The following NEDD9 variants were observed in gnomAD, a reference collection of about 807,000 sequenced individuals.
NEDD9 encodes the protein enhancer of filamentation 1.
NEDD9 carries 26 observed loss-of-function variants against 76.6 expected under a neutral mutation model. That is an observed-to-expected ratio of 0.34 (90% CI 0.25 to 0.47). The LOEUF (loss-of-function observed/expected upper bound fraction) is 0.47. NEDD9 is among the 20% of genes least tolerant of loss of function. The pLI, the probability that NEDD9 is intolerant of heterozygous loss-of-function variation, is 1.00. For synonymous variants in NEDD9, 392 were observed against 414.2 expected (o/e 0.95, Z 0.65); for missense variants, 937 against 1,058.5 (o/e 0.89, Z 1.59).
At chr6:11,381,197 G>T (rs1763057192) in intron 1 of NEDD9, among the ~76,000 whole-genome samples, 1 of 152,218 alleles carries the variant, frequency 6.6e-6, no homozygotes, top group African/African-American at 2.4e-5. Context: ...CAGATTCCCA[G>T]TATTCTGTCA....
At position 11,185,378 on chromosome 6, in the gene NEDD9, C is replaced by A. The variant is rs1397181125; in HGVS notation, c.2289G>T (p.Leu763=). ...AHKLVFIGDT[L]TRQVTAQDIR... is the part of the protein sequence containing the mutation. ...TGTCCTGGGCAGTCACCTGCCGTGT[C>A]AGCGTGTCTCCAATGAACACCAGTT... The change falls in exon 7 of 7, where the codon CTG becomes CTT. Residue 763 remains leucine, a synonymous_variant. Transcript: ENST00000379446. 11 of 1,614,242 alleles carry A rather than the reference C, an allele frequency of 6.8e-6. No individual in the cohort carries two copies. Among genetic ancestry groups the A allele is most frequent in the Non-Finnish European group, 9.3e-6 (11 of 1,180,042 alleles).
chr6:11,268,306 C>A (rs1207555803), intron 3 of NEDD9, among the ~76,000 whole-genome samples: 1 of 151,930 alleles, frequency 6.6e-6, no homozygotes, highest in East Asian at 1.9e-4. Context: ...GCTGGGATTA[C>A]AGGCGGGAGC....
intron 2 of NEDD9, among the ~76,000 whole-genome samples, chr6:11,201,667 G>A (rs1217540494): frequency 6.6e-6 from 1 of 151,692 alleles, no homozygotes; most frequent in East Asian, 1.9e-4. Flanking sequence ...ATCTATCTAT[G>A]TCTATCTTTG....
At position 11,190,062 on chromosome 6, in the gene NEDD9, G is replaced by A. The variant is rs1423027480; in HGVS notation, c.1807C>T (p.Leu603=). The change falls in exon 5 of 7, where the codon CTG becomes TTG. Residue 603 remains leucine (L), a synonymous_variant. Coordinates refer to ENST00000379446, the MANE Select transcript of NEDD9 (RefSeq NM_006403.4). This position sits in a 1 kb window ranked among gnomAD's most constrained non-coding sequence, Gnocchi z 5.8. The part of the protein sequence containing the change: ...DHKAQAHNKA[L]PPGLSKEQAP... ...TGCTCCTTGCTCAGGCCTGGGGGCA[G>A]TGCCTTGTTGTGGGCCTGGGCCTTG... 1 of 1,595,690 alleles carries A rather than the reference G, an allele frequency of 6.3e-7. No homozygotes were observed. The highest frequency in any genetic ancestry group is 8.5e-7 in the Non-Finnish European group (1 of 1,169,886).
At chr6:11,259,730 T>C (rs1760071107) in intron 3 of NEDD9, among the ~76,000 whole-genome samples, 1 of 152,182 alleles carries the variant, frequency 6.6e-6, no homozygotes, top group Non-Finnish European at 1.5e-5. Context: ...TTAGGAACAA[T>C]AGATATAATT....
At chr6:11,280,084 T>G (rs867752264) in intron 3 of NEDD9, among the ~76,000 whole-genome samples, 2 of 152,190 alleles carry the variant, frequency 1.3e-5, no homozygotes, top group Admixed American at 1.3e-4. Flanking sequence ...TAGGATGTTT[T>G]GCATCATCCC....
Position 11,198,396 on chromosome 6 carries a change from C to A in NEDD9, c.460-4704G>T, listed in dbSNP as rs1402434581. On this transcript the variant is annotated intron_variant, in intron 2 of 6. Transcript: ENST00000379446. This position sits in a 1 kb window ranked among gnomAD's most constrained non-coding sequence, Gnocchi z 4.7. ...TCCATTTCCACAGATGCCCTGCACG[C>A]CCATACCTCTGTGCCTTCATCCATG... 1.3e-5 allele frequency: 2 copies of A among 152,264 alleles called. No individual in the cohort carries two copies. Among genetic ancestry groups the A allele is most frequent in the African/African-American group, 4.8e-5 (2 of 41,440 alleles). 9.4% of individuals were successfully genotyped at this position (152,264 alleles called of 1,614,324 possible). A position where few individuals can be genotyped will look rare whatever the true frequency, so the allele number is the denominator to read the frequency against.
chr6:11,226,830 G>T (rs1759322440), intron 1 of NEDD9, among the ~76,000 whole-genome samples: 1 of 152,112 alleles, frequency 6.6e-6, no homozygotes, highest in Non-Finnish European at 1.5e-5. Flanking sequence ...CTGCTAGAAA[G>T]GACAATTGTC....
chr6:11,331,682 T>C (rs1762041017), intron 2 of NEDD9, among the ~76,000 whole-genome samples: 1 of 152,194 alleles, frequency 6.6e-6, no homozygotes, highest in Non-Finnish European at 1.5e-5. Context: ...TTCTCCAAAA[T>C]GCAACACTTA....
At chr6:11,230,558 T>C (rs1759438315) in intron 1 of NEDD9, among the ~76,000 whole-genome samples, 1 of 152,228 alleles carries the variant, frequency 6.6e-6, no homozygotes, top group South Asian at 2.1e-4. Flanking sequence ...AATCCTTTCC[T>C]GAAGTAAAGT....
At chr6:11,269,836 A>C (rs760163122) in intron 3 of NEDD9, among the ~76,000 whole-genome samples, 1 of 152,156 alleles carries the variant, frequency 6.6e-6, no homozygotes, top group Non-Finnish European at 1.5e-5. Context: ...ACAAACAAAC[A>C]AACACTCTTG....
At chr6:11,319,010 T>C (rs1441876364) in intron 2 of NEDD9, among the ~76,000 whole-genome samples, 1 of 152,276 alleles carries the variant, frequency 6.6e-6, no homozygotes, top group Admixed American at 6.5e-5. Flanking sequence ...AAGAGATTTA[T>C]TGGGCCTTAG....
In NEDD9 at chr6:11,285,764, A is replaced by G. The variant is rs9368638; in HGVS notation, c.12+20228T>C. ...TGCAAAGAAACTTTAGTGGAGAAAC[A>G]TAGTTCTTTCAACAAATGGTGCTAG... is the stretch of plus-strand genomic sequence containing the variant. On this transcript the variant is annotated intron_variant, in intron 3 of 3. Coordinates refer to the NEDD9 transcript ENST00000397378. 9.7e-3 allele frequency among the ~76,000 whole-genome samples: 1,479 copies of G among 152,328 alleles called. 72 individuals are homozygous for G. In the East Asian group the frequency reaches 0.17, roughly 18 times the overall value.
At chr6:11,315,975 A>G (rs1410073755) in intron 2 of NEDD9, among the ~76,000 whole-genome samples, 1 of 152,184 alleles carries the variant, frequency 6.6e-6, no homozygotes, top group South Asian at 2.1e-4. Flanking sequence ...AAGTCCTTTA[A>G]ACCCTTTTGA....
At chr6:11,205,012 T>C (rs1169576939) in intron 2 of NEDD9, among the ~76,000 whole-genome samples, 1 of 152,230 alleles carries the variant, frequency 6.6e-6, no homozygotes, top group Non-Finnish European at 1.5e-5. Flanking sequence ...CAACAGGGTA[T>C]GATTTAGCGC....
rs145118110 is a variant in NEDD9, at chr6:11,278,758, A to G, written c.12+27234T>C. Among the ~76,000 whole-genome samples the G allele has an allele frequency of 2.5e-3, 381 of 152,330 alleles. 9 individuals are homozygous for G. In the South Asian group the frequency reaches 0.039, roughly 16 times the overall value. On this transcript the variant is annotated intron_variant, in intron 3 of 3. Coordinates refer to the NEDD9 transcript ENST00000397378. The stretch of plus-strand genomic sequence containing the variant: ...TCTTGCCTAGGCCAGTGAAAACACA[A>G]TTCTGGAGATGGGACCCAGGAGATT...
At chr6:11,208,272 A>C (rs922134981) in intron 2 of NEDD9, among the ~76,000 whole-genome samples, 9 of 152,122 alleles carry the variant, frequency 5.9e-5, no homozygotes, top group Admixed American at 1.3e-4. Flanking sequence ...CAGAAGTTAA[A>C]CTCTCAGATA....
At chr6:11,315,080 G>C (rs1761508723) in intron 2 of NEDD9, among the ~76,000 whole-genome samples, 1 of 152,156 alleles carries the variant, frequency 6.6e-6, no homozygotes, top group South Asian at 2.1e-4. Flanking sequence ...TCTGGGCCCA[G>C]GATCAATGCA....
At chr6:11,292,783 C>G (rs900475261) in intron 3 of NEDD9, among the ~76,000 whole-genome samples, 1 of 152,160 alleles carries the variant, frequency 6.6e-6, no homozygotes, top group East Asian at 1.9e-4. Flanking sequence ...CCACAGAACT[C>G]ATGACAAGGA....
Sources: gnomAD v4.1 joint callset for allele counts (sites outside exome capture counted in the v4.1 genomes callset) on GRCh38, gnomAD v4.1.1 for gene constraint, Gnocchi (gnomAD v3.1) non-coding constraint, MANE v1.5 for transcripts, NCBI Gene and HGNC (gene_info 2026-07-23, HGNC 2026-07-21) for gene names.